The following LUZP2 variants were observed in gnomAD, a reference collection of about 807,000 sequenced individuals.
LUZP2 encodes the protein leucine zipper protein 2.
A neutral mutation model predicts 51.6 loss-of-function variants in LUZP2; 52 were observed. The observed-to-expected ratio is 1.01, with a 90% CI of 0.81 to 1.27. The LOEUF (loss-of-function observed/expected upper bound fraction) is 1.27, where lower values mean the gene tolerates loss of function less well. Ranked by LOEUF, LUZP2 falls within the 50% of genes most tolerant of loss-of-function variation. The pLI is 0.00. For synonymous variants in LUZP2, 154 were observed against 137.3 expected, an observed-to-expected ratio of 1.12 and a Z score of -0.85; for missense variants, 436 against 395.4, an observed-to-expected ratio of 1.10 and a Z score of -0.87.
chr11:25,078,206 A>G (rs566757151), intron 11 of LUZP2, among the ~76,000 whole-genome samples: 1 of 152,362 alleles, frequency 6.6e-6, no homozygotes, highest in Admixed American at 6.5e-5. Context: ...AAAATATTGT[A>G]TCATTGACAT....
intron 1 of LUZP2, among the ~76,000 whole-genome samples, chr11:24,633,271 C>G (rs750831929): frequency 6.6e-6 from 1 of 151,940 alleles, no homozygotes; most frequent in Non-Finnish European, 1.5e-5. Flanking sequence ...TGCCACAATG[C>G]TTTCAAGTAT....
At chr11:25,047,368 C>CT (rs200546589) in intron 9 of LUZP2, among the ~76,000 whole-genome samples, 607 of 35,510 alleles carry the variant, frequency 0.017, 7 homozygotes, top group African/African-American at 0.068. Context: ...TTTTAATTTT[C>CT]TTTTTTTTAT....
chr11:25,024,637 G>A (rs1250511803), intron 9 of LUZP2, among the ~76,000 whole-genome samples: 3 of 151,914 alleles, frequency 2.0e-5, no homozygotes, highest in Non-Finnish European at 4.4e-5. Context: ...ACTGCTCAAC[G>A]AAATAAGAGG....
intron 5 of LUZP2, among the ~76,000 whole-genome samples, chr11:24,853,913 C>T (rs55775841): frequency 0.023 from 3,438 of 152,254 alleles, 140 homozygotes; most frequent in African/African-American, 0.077. Context: ...TGGAGGCACG[C>T]TCCAGAGCCT....
chr11:24,708,816 T>A (rs1282722956), intron 1 of LUZP2, among the ~76,000 whole-genome samples: 2 of 152,176 alleles, frequency 1.3e-5, no homozygotes, highest in Non-Finnish European at 2.9e-5. Context: ...TAGGATGAGT[T>A]CAGATGTAAT....
intron 4 of LUZP2, among the ~76,000 whole-genome samples, chr11:24,748,218 T>C (rs1300953208): frequency 6.6e-6 from 1 of 152,144 alleles, no homozygotes; most frequent in Non-Finnish European, 1.5e-5. Flanking sequence ...TCCCAGGGCC[T>C]TTCCCACTGC....
intron 1 of LUZP2, among the ~76,000 whole-genome samples, chr11:24,553,574 C>A (rs1470307507): frequency 6.6e-6 from 1 of 151,918 alleles, no homozygotes; most frequent in Non-Finnish European, 1.5e-5. Context: ...AGCCACAGGA[C>A]CTATGAGCAA....
At chr11:24,732,480 A>G (rs1858749071) in intron 3 of LUZP2, among the ~76,000 whole-genome samples, 1 of 151,644 alleles carries the variant, frequency 6.6e-6, no homozygotes, top group Admixed American at 6.6e-5. Context: ...CTCAGTTAGT[A>G]AGATGGACCC....
chr11:24,949,917 C>A (rs973391819), intron 7 of LUZP2, among the ~76,000 whole-genome samples: 1 of 150,864 alleles, frequency 6.6e-6, no homozygotes, highest in Admixed American at 6.6e-5. Flanking sequence ...CTTAATGTAA[C>A]TCTTCTTTGT....
chr11:24,866,999 A>G (rs995557104), intron 5 of LUZP2, among the ~76,000 whole-genome samples: 6 of 152,138 alleles, frequency 3.9e-5, no homozygotes, highest in Non-Finnish European at 8.8e-5. Context: ...GTTTCCCAGG[A>G]AAGCAGGACA....
At chr11:24,786,066 A>T in intron 5 of LUZP2, 1 of 985,242 alleles carries the variant, frequency 1.0e-6, no homozygotes. Context: ...TGGTGGGCAC[A>T]TTTTTCATCG....
At chr11:24,998,859 C>G (rs1856589875) in intron 9 of LUZP2, among the ~76,000 whole-genome samples, 1 of 152,172 alleles carries the variant, frequency 6.6e-6, no homozygotes, top group South Asian at 2.1e-4. Flanking sequence ...ACAATACTGT[C>G]ATGCATGCAG....
intron 1 of LUZP2, among the ~76,000 whole-genome samples, chr11:24,605,025 C>T (rs1345680704): frequency 6.6e-6 from 1 of 151,752 alleles, no homozygotes; most frequent in Non-Finnish European, 1.5e-5. Flanking sequence ...ATATAGTTAA[C>T]ATCATATGTG....
At chr11:24,510,257 G>A (rs1007052904) in intron 1 of LUZP2, among the ~76,000 whole-genome samples, 1 of 152,164 alleles carries the variant, frequency 6.6e-6, no homozygotes, top group East Asian at 1.9e-4. Flanking sequence ...GATTTAAATT[G>A]TGATGCTACC....
intron 1 of LUZP2, among the ~76,000 whole-genome samples, chr11:24,710,400 CA>C (rs1459421678): frequency 6.6e-6 from 1 of 152,016 alleles, no homozygotes; most frequent in Non-Finnish European, 1.5e-5. Flanking sequence ...AGTCACCAAG[CA>C]GAAGATTCAT....
intron 1 of LUZP2, among the ~76,000 whole-genome samples, chr11:24,629,675 T>A (rs1854810962): frequency 6.6e-6 from 1 of 151,472 alleles, no homozygotes; most frequent in South Asian, 2.1e-4. Context: ...AGTGTCTTTT[T>A]GATAAAATGA....
intron 5 of LUZP2, among the ~76,000 whole-genome samples, chr11:24,850,495 C>T (rs1230988940): frequency 1.3e-5 from 2 of 151,902 alleles, no homozygotes; most frequent in Admixed American, 6.6e-5. Flanking sequence ...TGTTTTGGTC[C>T]CAGTAACATG....
At chr11:24,736,207 T>C (rs1858929864) in intron 3 of LUZP2, among the ~76,000 whole-genome samples, 1 of 146,780 alleles carries the variant, frequency 6.8e-6, no homozygotes. Flanking sequence ...CACACATACA[T>C]TATCTATCTA....
Position 24,626,682 on chromosome 11 carries a change from T to C in LUZP2, c.63-102487T>C, listed in dbSNP as rs554403820. Among the ~76,000 whole-genome samples the C allele has an allele frequency of 2.0e-5, 3 of 152,318 alleles. No homozygotes were observed. The East Asian group carries it at 5.8e-4, about 29-fold the overall frequency. Reference sequence around the variant, plus strand: ...CAATTGTTTGTAAGGAAAATACTATTGTGAATCAACTCTGTGGGCTAACAT... The same window carrying C: ...CAATTGTTTGTAAGGAAAATACTATCGTGAATCAACTCTGTGGGCTAACAT... On this transcript the variant is annotated intron_variant, in intron 1 of 11. Coordinates refer to ENST00000336930, the MANE Select transcript of LUZP2 (RefSeq NM_001009909.4).
Sources: allele counts gnomAD v4.1 joint callset (sites outside exome capture counted in the v4.1 genomes callset), GRCh38; gene constraint gnomAD v4.1.1; transcripts MANE v1.5; gene names NCBI Gene and HGNC (gene_info 2026-07-23, HGNC 2026-07-21).